The following FAM135B variants were observed in gnomAD, a reference collection of about 807,000 sequenced individuals.
The protein encoded by FAM135B is family with sequence similarity 135 member B.
FAM135B carries 43 observed loss-of-function variants against 127.7 expected under a neutral mutation model. The observed-to-expected ratio is 0.34, with a 90% confidence interval of 0.26 to 0.43. FAM135B has a LOEUF of 0.43. FAM135B is among the 20% of genes least tolerant of loss of function. The probability of loss-of-function intolerance (pLI) is 1.00; values close to 1 mark genes in which losing one functional copy is unlikely to be tolerated. For synonymous variants in FAM135B, 670 were observed against 665.1 expected, an observed-to-expected ratio of 1.01 and a Z score of -0.11; for missense variants, 1,558 against 1,725.6, an observed-to-expected ratio of 0.90 and a Z score of 1.72.
At chr8:138,300,334 T>C (rs1825795529) in intron 3 of FAM135B, among the ~76,000 whole-genome samples, 1 of 151,922 alleles carries the variant, frequency 6.6e-6, no homozygotes, top group Admixed American at 6.6e-5. Flanking sequence ...AAGGTATACA[T>C]TCAGCAGAGC....
At chr8:138,309,905 G>C (rs1161621383) in intron 3 of FAM135B, among the ~76,000 whole-genome samples, 1 of 138,144 alleles carries the variant, frequency 7.2e-6, no homozygotes, top group African/African-American at 2.7e-5. Context: ...TGTCACCCAG[G>C]CTGGAGTGGA....
chr8:138,384,164 C>A (rs1308431657), intron 1 of FAM135B, among the ~76,000 whole-genome samples: 1 of 152,150 alleles, frequency 6.6e-6, no homozygotes, highest in African/African-American at 2.4e-5. Context: ...GCATAGCTGC[C>A]TGCATTGATA....
At position 138,340,288 on chromosome 8, in the gene FAM135B, CAGAA is replaced by C. The variant is rs146373088; in HGVS notation, c.77+27615_77+27618del. Among the ~76,000 whole-genome samples, 1,365 of 152,174 alleles carry C rather than the reference CAGAA, an allele frequency of 9.0e-3. 18 individuals are homozygous for C. The highest frequency in any genetic ancestry group is 0.025 in the South Asian group (120 of 4,812). ...ACCAGAACAATACGAACGATACAAA[CAGAA>C]AGAAAGAAAGAAATAGAACAGGAAA... is the stretch of plus-strand genomic sequence containing the variant. On this transcript the variant is annotated intron_variant, in intron 2 of 19. Transcript: ENST00000395297.
intron 1 of FAM135B, among the ~76,000 whole-genome samples, chr8:138,490,184 G>C (rs7826144): frequency 0.014 from 2,077 of 152,290 alleles, 44 homozygotes; most frequent in African/African-American, 0.047. Flanking sequence ...CCTGCTTAAA[G>C]AACACAGCTA....
chr8:138,497,636 G>A (rs538418165), upstream of FAM135B, among the ~76,000 whole-genome samples: 1 of 152,300 alleles, frequency 6.6e-6, no homozygotes, highest in African/African-American at 2.4e-5. Context: ...CCTCCAATGC[G>A]AAGTCAGCAG....
intron 2 of FAM135B, chr8:138,358,446 C>T (rs1239159372): frequency 6.6e-6 from 1 of 152,192 alleles, no homozygotes; most frequent in African/African-American, 2.4e-5. Flanking sequence ...GTCTCAATTA[C>T]AATCAATGGA....
At chr8:138,158,187 A>T (rs1818961560) in intron 12 of FAM135B, among the ~76,000 whole-genome samples, 1 of 152,244 alleles carries the variant, frequency 6.6e-6, no homozygotes, top group African/African-American at 2.4e-5. Flanking sequence ...TGACAAAAAC[A>T]AGAAATGGGT....
At position 138,174,025 on chromosome 8, in the gene FAM135B, C is replaced by G. The variant is rs191090681; in HGVS notation, c.1103+3322G>C. Among the ~76,000 whole-genome samples the G allele has an allele frequency of 6.4e-4, 97 of 152,308 alleles. No homozygotes were observed. In the Middle Eastern group the frequency reaches 0.017, roughly 27 times the overall value. On this transcript the variant is annotated intron_variant, in intron 11 of 19. Coordinates refer to ENST00000395297, the MANE Select transcript of FAM135B (RefSeq NM_015912.4). ...TCTTCATTTCCATGGCAACCCAGTG[C>G]AATCACATACTCCCAGAAACACACA...
At chr8:138,432,922 C>A (rs968656722) in intron 1 of FAM135B, among the ~76,000 whole-genome samples, 2 of 152,020 alleles carry the variant, frequency 1.3e-5, no homozygotes, top group African/African-American at 4.8e-5. Flanking sequence ...AGGTACCCAA[C>A]CAAAAGGCAC....
chr8:138,320,390 A>G (rs1380880695), intron 2 of FAM135B, among the ~76,000 whole-genome samples: 1 of 152,208 alleles, frequency 6.6e-6, no homozygotes, highest in Non-Finnish European at 1.5e-5. Flanking sequence ...GCTAGCACCA[A>G]GCTTATTTTA....
chr8:138,450,918 T>C lies in FAM135B; in HGVS notation c.-20+45753A>G, dbSNP rs182706620. The C allele has an allele frequency of 2.0e-5, 3 of 152,358 alleles. No individual in the cohort carries two copies. The East Asian group carries it at 5.8e-4, about 29-fold the overall frequency. The allele number at this position is 152,358 out of a possible 1,614,324, so 9.4% of individuals were successfully genotyped here. ...CTAATTTACACCTCACCTGATAAAA[T>C]TGGTACTATTATTATCTCAACTGCA... On this transcript the variant is annotated intron_variant, in intron 1 of 19. Transcript: ENST00000395297.
chr8:138,176,526 C>T (rs564965921), intron 11 of FAM135B, among the ~76,000 whole-genome samples: 1 of 152,180 alleles, frequency 6.6e-6, no homozygotes, highest in Non-Finnish European at 1.5e-5. Flanking sequence ...GGTGCCACCC[C>T]CTTACTTGCA....
At chr8:138,291,258 A>G (rs1376868541) in intron 3 of FAM135B, among the ~76,000 whole-genome samples, 3 of 152,214 alleles carry the variant, frequency 2.0e-5, no homozygotes, top group African/African-American at 7.2e-5. Flanking sequence ...AAAGTCACCT[A>G]TAAGCATATT....
chr8:138,334,536 C>T (rs1828418123), intron 2 of FAM135B, among the ~76,000 whole-genome samples: 1 of 152,080 alleles, frequency 6.6e-6, no homozygotes, highest in African/African-American at 2.4e-5. Context: ...GATATTCTTC[C>T]CACTCCCAAC....
intron 14 of FAM135B, 150 bp downstream of exon 14, chr8:138,148,370 A>G (rs6577879): frequency 0.69 from 433,096 of 630,418 alleles, 149,604 homozygotes; most frequent in East Asian, 0.78. Context: ...AGCAAGCCAT[A>G]CCATTTCCTT....
intron 9 of FAM135B, among the ~76,000 whole-genome samples, chr8:138,185,869 A>C (rs1204539991): frequency 6.6e-6 from 1 of 152,174 alleles, no homozygotes; most frequent in Non-Finnish European, 1.5e-5. Context: ...CTCTGTGAGG[A>C]GTACACCCCA....
intron 1 of FAM135B, among the ~76,000 whole-genome samples, chr8:138,402,363 T>G (rs1198122779): frequency 6.6e-6 from 1 of 152,160 alleles, no homozygotes; most frequent in African/African-American, 2.4e-5. Context: ...CTGGGAAGAA[T>G]GTTCATTTCT....
At chr8:138,211,739 C>T (rs1490166711) in intron 7 of FAM135B, among the ~76,000 whole-genome samples, 3 of 152,180 alleles carry the variant, frequency 2.0e-5, no homozygotes, top group African/African-American at 4.8e-5. Flanking sequence ...GTATATGCAG[C>T]ACTTCTGCAA....
At chr8:138,338,378 C>T (rs201389203) in intron 2 of FAM135B, among the ~76,000 whole-genome samples, 19 of 151,898 alleles carry the variant, frequency 1.3e-4, no homozygotes, top group Admixed American at 2.6e-4. Context: ...AGGGCTAATA[C>T]CCAGAATCTA....
Sources: allele counts gnomAD v4.1 joint callset (sites outside exome capture counted in the v4.1 genomes callset), GRCh38; gene constraint gnomAD v4.1.1; transcripts MANE v1.5; gene names NCBI Gene and HGNC (gene_info 2026-07-23, HGNC 2026-07-21).